The following PLEKHS1 variants were observed in gnomAD, a reference collection of about 807,000 sequenced individuals.
The protein encoded by PLEKHS1 is pleckstrin homology domain containing S1, also known as pleckstrin homology domain-containing family S member 1.
Under a neutral mutation model 51.0 loss-of-function variants are expected in PLEKHS1, and 55 were observed. The ratio of observed to expected loss-of-function variants is 1.08; its 90% confidence interval spans 0.87 to 1.35. The LOEUF (loss-of-function observed/expected upper bound fraction) is 1.35, where lower values mean the gene tolerates loss of function less well. Among genes scored for constraint, PLEKHS1 ranks in the 40% most tolerant of loss-of-function variants. PLEKHS1 has a pLI of 0.00. For synonymous variants in PLEKHS1, 153 were observed against 144.8 expected, an observed-to-expected ratio of 1.06 and a Z score of -0.41; for missense variants, 398 against 423.0, an observed-to-expected ratio of 0.94 and a Z score of 0.52.
At chr10:113,752,053 A>G (rs544104335) in intron 1 of PLEKHS1, among the ~76,000 whole-genome samples, 9 of 152,292 alleles carry the variant, frequency 5.9e-5, no homozygotes, top group Admixed American at 5.2e-4. Flanking sequence ...TAAATCAGAA[A>G]GGCTTTCTTT....
intron 2 of PLEKHS1, among the ~76,000 whole-genome samples, chr10:113,763,985 T>G (rs530032945): frequency 1.1e-4 from 16 of 152,356 alleles, no homozygotes; most frequent in African/African-American, 3.8e-4. Context: ...GATGAATTAT[T>G]TCAGCCTTTA....
At chr10:113,767,702 C>G (rs1386662917) in intron 5 of PLEKHS1, among the ~76,000 whole-genome samples, 1 of 152,124 alleles carries the variant, frequency 6.6e-6, no homozygotes, top group Non-Finnish European at 1.5e-5. Context: ...CTTTGAACAA[C>G]AGAAATTTAT....
At chr10:113,758,121 A>C (rs1333456520) in intron 2 of PLEKHS1, among the ~76,000 whole-genome samples, 1 of 152,212 alleles carries the variant, frequency 6.6e-6, no homozygotes, top group Admixed American at 6.5e-5. Context: ...TGATGTTGAT[A>C]TTTTGACCTC....
intron 7 of PLEKHS1, among the ~76,000 whole-genome samples, chr10:113,771,057 T>C (rs372439254): frequency 1.9e-4 from 29 of 152,322 alleles, no homozygotes; most frequent in East Asian, 1.7e-3. Flanking sequence ...CCCCCTGCTC[T>C]GAGGCATTGT....
chr10:113,774,843 C>A, exon 10 of PLEKHS1: 1 of 1,613,920 alleles, frequency 6.2e-7, no homozygotes, highest in Non-Finnish European at 8.5e-7. Context: ...AAAGAGACAT[C>A]CCATGAGTCT....
rs1489710485 is a variant in PLEKHS1 at position 113,768,816 on chromosome 10, G to T, written c.361G>T (p.Glu121Ter). ...CTGAAAGTTTATTCCTGTCAACAGG[G>T]AGAAGATTAAAGACTGGGTCTCCTT... The change falls in exon 6 of 12, where the codon GAG becomes TAG. Residue 121 changes from glutamate (E) to a stop codon, truncating the protein, a stop_gained and splice_region_variant. Coordinates refer to ENST00000361048, the Ensembl canonical transcript of PLEKHS1. LOFTEE classifies it high-confidence loss of function. 1.2e-6 allele frequency: 2 copies of T among 1,612,864 alleles called. No homozygotes were observed. Among genetic ancestry groups the T allele is most frequent in the Middle Eastern group, 1.6e-4 (1 of 6,078 alleles).
chr10:113,778,138 C>T (rs1844753573), intron 11 of PLEKHS1: 1 of 161,650 alleles, frequency 6.2e-6, no homozygotes. Context: ...CTAACTAGCC[C>T]TGTGACCTTA....
At chr10:113,756,979 C>T (rs1854149412) in intron 2 of PLEKHS1, among the ~76,000 whole-genome samples, 1 of 132,756 alleles carries the variant, frequency 7.5e-6, no homozygotes. Context: ...TGCAGTGGTG[C>T]GATCTCAACT....
At chr10:113,778,454 G>A (rs1051222050) in intron 11 of PLEKHS1, among the ~76,000 whole-genome samples, 1 of 152,124 alleles carries the variant, frequency 6.6e-6, no homozygotes, top group Non-Finnish European at 1.5e-5. Flanking sequence ...TTTTGTGATT[G>A]TGTAGCATAT....
exon 2 of PLEKHS1, chr10:113,755,273 C>G (rs1472948359): frequency 6.2e-7 from 1 of 1,607,862 alleles, no homozygotes. Context: ...GGACACACAG[C>G]CATCATGGAA....
intron 1 of PLEKHS1, among the ~76,000 whole-genome samples, chr10:113,753,824 T>C (rs1005123542): frequency 1.3e-4 from 20 of 152,132 alleles, no homozygotes; most frequent in African/African-American, 4.8e-4. Context: ...ATATTTTTTT[T>C]ATTTGAGATG....
intron 2 of PLEKHS1, among the ~76,000 whole-genome samples, chr10:113,757,586 G>C (rs150187762): frequency 9.2e-5 from 14 of 152,264 alleles, no homozygotes; most frequent in Non-Finnish European, 1.8e-4. Context: ...GTCTTGCCTC[G>C]ATGTTGACGG....
chr10:113,755,833 T>C (rs1211801820), intron 2 of PLEKHS1, among the ~76,000 whole-genome samples: 1 of 152,240 alleles, frequency 6.6e-6, no homozygotes, highest in Non-Finnish European at 1.5e-5. Context: ...TTTAGCATTT[T>C]CTGATTTTCA....
intron 2 of PLEKHS1, among the ~76,000 whole-genome samples, chr10:113,759,262 G>C (rs1166574697): frequency 1.3e-5 from 2 of 152,154 alleles, no homozygotes; most frequent in Non-Finnish European, 2.9e-5. Context: ...ATATTAGCCA[G>C]GTGTGATGGC....
chr10:113,756,243 A>T (rs1564815380), intron 2 of PLEKHS1, among the ~76,000 whole-genome samples: 1 of 152,196 alleles, frequency 6.6e-6, no homozygotes, highest in Non-Finnish European at 1.5e-5. Context: ...AGGCAGGTGG[A>T]TCACTTGAGA....
rs763227912 is a variant in PLEKHS1, at chr10:113,768,910, A to G, written c.435+20A>G. 1.3e-6 allele frequency: 2 copies of G among 1,585,252 alleles called. No homozygotes were observed. Among genetic ancestry groups the G allele is most frequent in the Non-Finnish European group, 1.7e-6 (2 of 1,163,218 alleles). Reference sequence around the variant, plus strand: ...ACAGAGGTGACTCCATATCACTAATAAAATAACAGGGCACCTGAACACAAC... The same window carrying G: ...ACAGAGGTGACTCCATATCACTAATGAAATAACAGGGCACCTGAACACAAC... On this transcript the variant is annotated intron_variant, in intron 6 of 11. Transcript: ENST00000361048.
At chr10:113,779,378 G>T (rs931853869) in intron 11 of PLEKHS1, among the ~76,000 whole-genome samples, 2 of 152,112 alleles carry the variant, frequency 1.3e-5, no homozygotes, top group Non-Finnish European at 2.9e-5. Context: ...AGACCAGCCT[G>T]GCCAATATAG....
At chr10:113,755,080 T>C (rs1854044446) in intron 1 of PLEKHS1, among the ~76,000 whole-genome samples, 179 bp from the exon 2 acceptor site, 1 of 152,158 alleles carries the variant, frequency 6.6e-6, no homozygotes, top group South Asian at 2.1e-4. Context: ...TTACTGCAGC[T>C]ACCGTCAGCC....
chr10:113,764,034 A>G lies in PLEKHS1; in HGVS notation c.29-2377A>G, dbSNP rs1309019181. On this transcript the variant is annotated intron_variant, in intron 2 of 11. Transcript: ENST00000361048. The stretch of plus-strand genomic sequence containing the variant: ...TCTTTAAATTGCCTTCATTTTTAAA[A>G]GACATTTTTGCTGAATATAGAATTT... Among the ~76,000 whole-genome samples the G allele has an allele frequency of 2.8e-4, 42 of 152,188 alleles. 1 individual carries two copies. Among genetic ancestry groups the G allele is most frequent in the Admixed American group, 2.7e-3 (41 of 15,272 alleles).
Sources: allele counts gnomAD v4.1 joint callset (sites outside exome capture counted in the v4.1 genomes callset), GRCh38; gene constraint gnomAD v4.1.1; transcripts MANE v1.5; gene names NCBI Gene and HGNC (gene_info 2026-07-23, HGNC 2026-07-21).